PPP1R1C: variants seen among roughly 807,000 people sequenced by gnomAD.
The protein encoded by PPP1R1C is protein phosphatase 1 regulatory subunit 1C.
A neutral mutation model predicts 17.4 loss-of-function variants in PPP1R1C; 15 were observed. That is an observed-to-expected ratio of 0.86 (90% confidence interval 0.58 to 1.33). PPP1R1C has a LOEUF of 1.33. PPP1R1C is among the 40% of genes most tolerant of loss of function. The pLI is 0.00. For missense variants in PPP1R1C, 143 were observed against 130.0 expected (o/e 1.10, Z -0.48); for synonymous variants, 35 against 43.1 (o/e 0.81, Z 0.73).
chr2:182,023,117 GA>G (rs1686480369), intron 2 of PPP1R1C, among the ~76,000 whole-genome samples: 1 of 152,182 alleles, frequency 6.6e-6, no homozygotes, highest in African/African-American at 2.4e-5. Flanking sequence ...GCTACAGGCA[GA>G]TTAAGTAGGC....
intron 2 of PPP1R1C, among the ~76,000 whole-genome samples, chr2:182,007,720 T>C (rs988445973): frequency 6.6e-6 from 1 of 152,162 alleles, no homozygotes; most frequent in South Asian, 2.1e-4. Flanking sequence ...TCAAAAAATG[T>C]AAGGCCTGAA....
chr2:182,031,403 AGTC>A (rs888782999), intron 2 of PPP1R1C, among the ~76,000 whole-genome samples: 2 of 152,352 alleles, frequency 1.3e-5, no homozygotes, highest in East Asian at 1.9e-4. Context: ...TGAAGAAAAA[AGTC>A]GTTAAGTTGC....
intron 4 of PPP1R1C, among the ~76,000 whole-genome samples, chr2:182,115,674 A>G (rs1689559377): frequency 1.3e-5 from 2 of 152,206 alleles, no homozygotes; most frequent in African/African-American, 4.8e-5. Context: ...TCTTAGATCA[A>G]GAAGAATTGT....
intron 5 of PPP1R1C, among the ~76,000 whole-genome samples, chr2:182,125,981 C>G (rs573295872): frequency 2.3e-4 from 35 of 152,164 alleles, no homozygotes; most frequent in African/African-American, 7.7e-4. Context: ...TCTTGCTTCT[C>G]TACTTCTTTT....
chr2:182,129,965 T>A (rs903486470), exon 6 of PPP1R1C: 7 of 152,046 alleles, frequency 4.6e-5, no homozygotes, highest in Non-Finnish European at 8.8e-5. Flanking sequence ...TTATAAGAAA[T>A]AAAAGAAGTA....
chr2:182,115,503 G>A (rs1689555611), intron 4 of PPP1R1C, among the ~76,000 whole-genome samples: 1 of 152,112 alleles, frequency 6.6e-6, no homozygotes, highest in South Asian at 2.1e-4. Flanking sequence ...ACAAGGAGTT[G>A]TGAGGTTTAG....
chr2:182,048,954 T>C (rs1190991319), intron 2 of PPP1R1C: 1 of 152,188 alleles, frequency 6.6e-6, no homozygotes, highest in Non-Finnish European at 1.5e-5. Flanking sequence ...AATGTGATAA[T>C]TGAGATTTCA....
At chr2:182,065,039 C>G (rs1687948252) in intron 4 of PPP1R1C, among the ~76,000 whole-genome samples, 1 of 151,842 alleles carries the variant, frequency 6.6e-6, no homozygotes, top group African/African-American at 2.4e-5. Flanking sequence ...GTCTCAAGGG[C>G]CGATGATGTT....
At chr2:182,026,642 GTGA>G (rs1001605920) in intron 2 of PPP1R1C, among the ~76,000 whole-genome samples, 1 of 152,120 alleles carries the variant, frequency 6.6e-6, no homozygotes, top group Non-Finnish European at 1.5e-5. Context: ...GTCAGGTAGT[GTGA>G]TGCCTCCAGC....
intron 2 of PPP1R1C, among the ~76,000 whole-genome samples, chr2:182,023,492 C>G (rs1686493323): frequency 6.6e-6 from 1 of 151,904 alleles, no homozygotes; most frequent in Non-Finnish European, 1.5e-5. Context: ...TGCCCCACCT[C>G]CAACAAAAGA....
At chr2:182,005,329 T>C (rs564886721) in intron 2 of PPP1R1C, among the ~76,000 whole-genome samples, 1 of 152,342 alleles carries the variant, frequency 6.6e-6, no homozygotes, top group African/African-American at 2.4e-5. Flanking sequence ...CCAGAAAATC[T>C]GGAGCATGGG....
intron 2 of PPP1R1C, among the ~76,000 whole-genome samples, chr2:182,058,698 G>A (rs532232417): frequency 1.3e-4 from 20 of 152,130 alleles, no homozygotes; most frequent in Non-Finnish European, 2.1e-4. Flanking sequence ...GTGTGGTCAC[G>A]ACAGACAAAT....
intron 4 of PPP1R1C, among the ~76,000 whole-genome samples, chr2:182,073,387 T>C (rs1424691007): frequency 1.3e-5 from 2 of 152,214 alleles, no homozygotes; most frequent in East Asian, 1.9e-4. Flanking sequence ...ATAAGCATCA[T>C]TGGCTTAATT....
In PPP1R1C at chr2:181,976,608, C is replaced by G. The variant is rs1158125410; in HGVS notation, n.157+1344C>G. Among the ~76,000 whole-genome samples, 1 of 152,064 alleles carries G rather than the reference C, an allele frequency of 6.6e-6. No individual in the cohort carries two copies. Among genetic ancestry groups the G allele is most frequent in the African/African-American group, 2.4e-5 (1 of 41,402 alleles). ...AAATTTTATCTATATATCTGTATAT[C>G]TATATCTATATCTATATCTGTATCT... On this transcript the variant is annotated intron_variant and non_coding_transcript_variant, in intron 2 of 5. Transcript: ENST00000464264. The surrounding 1 kb of genome is among the most constrained non-coding windows in gnomAD (Gnocchi z 4.8).
At chr2:182,087,661 A>G (rs1230376700) in intron 4 of PPP1R1C, among the ~76,000 whole-genome samples, 1 of 152,120 alleles carries the variant, frequency 6.6e-6, no homozygotes, top group Non-Finnish European at 1.5e-5. Context: ...TGTGACTATA[A>G]GCTCCTTGAA....
At chr2:182,000,463 C>T (rs1163702199) in intron 2 of PPP1R1C, among the ~76,000 whole-genome samples, 1 of 152,118 alleles carries the variant, frequency 6.6e-6, no homozygotes, top group Non-Finnish European at 1.5e-5. Context: ...GGCCTCCTGA[C>T]ATCAAAAGGT....
At chr2:182,080,507 A>G (rs1461772920) in intron 4 of PPP1R1C, among the ~76,000 whole-genome samples, 2 of 152,182 alleles carry the variant, frequency 1.3e-5, no homozygotes, top group Non-Finnish European at 2.9e-5. Context: ...TTTCTTTAAC[A>G]TTCACCCAGA....
intron 2 of PPP1R1C, among the ~76,000 whole-genome samples, chr2:182,012,152 T>C (rs932843969): frequency 6.6e-6 from 1 of 151,980 alleles, no homozygotes; most frequent in Non-Finnish European, 1.5e-5. Flanking sequence ...AAATTAGGTG[T>C]TATGTTTCTT....
chr2:182,073,958 C>T (rs1270851610), intron 4 of PPP1R1C, among the ~76,000 whole-genome samples: 5 of 151,852 alleles, frequency 3.3e-5, no homozygotes, highest in Non-Finnish European at 5.9e-5. Context: ...TTGAAGATTG[C>T]TTGACACGTT....
Sources: gnomAD v4.1 joint callset for allele counts (sites outside exome capture counted in the v4.1 genomes callset) on GRCh38, gnomAD v4.1.1 for gene constraint, Gnocchi (gnomAD v3.1) non-coding constraint, MANE v1.5 for transcripts, NCBI Gene and HGNC (gene_info 2026-07-23, HGNC 2026-07-21) for gene names.